RARB: variants seen among roughly 807,000 people sequenced by gnomAD.
RARB encodes the protein retinoic acid receptor beta.
Under a neutral mutation model 51.9 loss-of-function variants are expected in RARB, and 17 were observed. That is an observed-to-expected ratio of 0.33 (90% CI 0.22 to 0.49). RARB has a LOEUF of 0.49. Among genes scored for constraint, RARB ranks in the 20% least tolerant of loss-of-function variants. The pLI is 0.99. For missense variants in RARB, 369 were observed against 550.8 expected (o/e 0.67, Z 3.30); for synonymous variants, 215 against 195.4 (o/e 1.10, Z -0.84).
At chr3:25,423,766 A>G (rs113167727), upstream of RARB, among the ~76,000 whole-genome samples, 214 of 152,374 alleles carry the variant, frequency 1.4e-3, 1 homozygote, top group Non-Finnish European at 2.9e-3. Context: ...TTAAAAAAGG[A>G]AATGTAAACA....
intron 5 of RARB, among the ~76,000 whole-genome samples, chr3:25,411,170 T>G (rs544791643): frequency 6.6e-6 from 1 of 152,248 alleles, no homozygotes; most frequent in East Asian, 1.9e-4. Flanking sequence ...GAAAGGAAAT[T>G]TATAATAGTT....
rs144525233 is a variant in RARB at position 25,223,645 on chromosome 3, G to A, written c.178+49070G>A. Among the ~76,000 whole-genome samples the A allele has an allele frequency of 6.9e-4, 105 of 152,294 alleles. 1 individual carries two copies. The East Asian group carries it at 0.014, about 20-fold the overall frequency. On this transcript the variant is annotated intron_variant, in intron 5 of 11. Coordinates refer to the RARB transcript ENST00000383772. ...AAATTAGTGAATGAAGACATTAATA[G>A]ATGTTCATCATCCATGTACAGTAGT...
At chr3:25,398,392 G>C (rs1201808629) in intron 5 of RARB, among the ~76,000 whole-genome samples, 2 of 152,124 alleles carry the variant, frequency 1.3e-5, no homozygotes, top group Admixed American at 6.6e-5. Context: ...CTTTTAAAAA[G>C]CTATTTAATA....
chr3:25,255,008 C>A (rs1221720653), intron 5 of RARB, among the ~76,000 whole-genome samples: 1 of 152,106 alleles, frequency 6.6e-6, no homozygotes, highest in African/African-American at 2.4e-5. Context: ...AAAATATTAG[C>A]ATTCTTGTAT....
rs572664843 is a variant in RARB, at chr3:25,041,840, TATTA to T, written c.-379-18281_-379-18278del. On this transcript the variant is annotated intron_variant, in intron 2 of 11. Transcript: ENST00000383772. ...TCAGAATTAATGAAATTCTGAATTT[TATTA>T]ATTCAGAATTAATTAAATTTAAGTG... Among the ~76,000 whole-genome samples the T allele has an allele frequency of 1.4e-3, 211 of 152,308 alleles. 1 individual carries two copies. The highest frequency in any genetic ancestry group is 0.01 in the Middle Eastern group (3 of 294).
rs117579644 is a variant in RARB at position 25,475,025 on chromosome 3, C to T, written c.306+13684C>T. On this transcript the variant is annotated intron_variant, in intron 2 of 7. Transcript: ENST00000330688. Reference sequence around the variant, plus strand: ...ATTACATTACAAATCGTAAATGGGTCTTACTGTCCTCACTGAATATATTTG... The same window carrying T: ...ATTACATTACAAATCGTAAATGGGTTTTACTGTCCTCACTGAATATATTTG... 8.5e-5 allele frequency among the ~76,000 whole-genome samples: 13 copies of T among 152,200 alleles called. No individual in the cohort carries two copies. In the East Asian group the frequency reaches 2.3e-3, roughly 27 times the overall value.
At chr3:25,527,755 A>T (rs1463191845) in intron 3 of RARB, among the ~76,000 whole-genome samples, 1 of 152,172 alleles carries the variant, frequency 6.6e-6, no homozygotes, top group Non-Finnish European at 1.5e-5. Context: ...AAATGTGATT[A>T]TTTCTCCTGA....
intron 1 of RARB, chr3:25,441,366 T>A (rs1196038554): frequency 3.6e-6 from 1 of 280,074 alleles, no homozygotes; most frequent in African/African-American, 2.3e-5. Context: ...TTCACTGGAC[T>A]TCGTATAAAG....
At chr3:24,887,653 C>A (rs756309099) in intron 2 of RARB, among the ~76,000 whole-genome samples, 13 of 152,200 alleles carry the variant, frequency 8.5e-5, no homozygotes, top group Non-Finnish European at 1.9e-4. Context: ...TCTCACAGCT[C>A]CTCCTGCTAG....
At chr3:25,027,487 AC>A (rs1305810718) in intron 2 of RARB, among the ~76,000 whole-genome samples, 1 of 152,110 alleles carries the variant, frequency 6.6e-6, no homozygotes, top group Non-Finnish European at 1.5e-5. Context: ...TTAATGTCCT[AC>A]ATAATTGCCA....
chr3:25,337,223 C>CA (rs1705090326), intron 5 of RARB, among the ~76,000 whole-genome samples: 1 of 152,046 alleles, frequency 6.6e-6, no homozygotes, highest in African/African-American at 2.4e-5. Flanking sequence ...CCCACCCCCA[C>CA]AAAAAAGTTA....
intron 1 of RARB, among the ~76,000 whole-genome samples, chr3:25,454,329 A>T (rs909740992): frequency 1.4e-4 from 22 of 152,230 alleles, no homozygotes; most frequent in African/African-American, 4.8e-4. Context: ...AAAAATCCAG[A>T]TAGGCTCTCT....
At chr3:25,379,235 A>G (rs1706556128) in intron 5 of RARB, among the ~76,000 whole-genome samples, 1 of 152,212 alleles carries the variant, frequency 6.6e-6, no homozygotes, top group Non-Finnish European at 1.5e-5. Flanking sequence ...GCCAGAGCAT[A>G]CTAGGGCATG....
rs910982698 is a variant in RARB at position 25,262,798 on chromosome 3, T to C, written c.178+88223T>C. On this transcript the variant is annotated intron_variant, in intron 5 of 11. Coordinates refer to the RARB transcript ENST00000383772. ...AAGCATGTTTATAGTTTTTAGGAGG[T>C]AGGACTTGGACATCTTTGGAGAGGA... Among the ~76,000 whole-genome samples, 4 of 152,318 alleles carry C rather than the reference T, an allele frequency of 2.6e-5. 1 individual carries two copies. The highest frequency in any genetic ancestry group is 9.6e-5 in the African/African-American group (4 of 41,586).
chr3:25,102,885 C>G (rs925065611), intron 3 of RARB, among the ~76,000 whole-genome samples: 1 of 152,148 alleles, frequency 6.6e-6, no homozygotes, highest in Non-Finnish European at 1.5e-5. Context: ...AACCCCATCT[C>G]TACTAAAAAT....
intron 4 of RARB, among the ~76,000 whole-genome samples, chr3:25,142,796 C>G (rs1031626618): frequency 6.6e-6 from 1 of 151,992 alleles, no homozygotes; most frequent in African/African-American, 2.4e-5. Flanking sequence ...GCTGGCAGGT[C>G]TGAGTTTTAC....
At chr3:25,569,123 A>G (rs938285478) in intron 3 of RARB, among the ~76,000 whole-genome samples, 4 of 152,270 alleles carry the variant, frequency 2.6e-5, no homozygotes, top group Admixed American at 1.3e-4. Flanking sequence ...ATGGTTTTCC[A>G]GGCTGAAGAT....
At chr3:24,989,277 A>AT (rs1485654174) in intron 2 of RARB, among the ~76,000 whole-genome samples, 8 of 152,266 alleles carry the variant, frequency 5.3e-5, no homozygotes, top group Non-Finnish European at 1.2e-4. Context: ...ACAACAGTGG[A>AT]TGTCAGCCAT....
At chr3:25,157,380 G>GTGTGTCTGTA (rs758200423) in intron 4 of RARB, among the ~76,000 whole-genome samples, 1 of 146,680 alleles carries the variant, frequency 6.8e-6, no homozygotes, top group Non-Finnish European at 1.5e-5. Context: ...GTGTGTGTGT[G>GTGTGTCTGTA]TATATATATG....
Sources: allele counts gnomAD v4.1 joint callset (sites outside exome capture counted in the v4.1 genomes callset), GRCh38; gene constraint gnomAD v4.1.1; transcripts MANE v1.5; gene names NCBI Gene and HGNC (gene_info 2026-07-23, HGNC 2026-07-21).